Variants in PDE2A observed in about 807,000 individuals in gnomAD.
PDE2A encodes phosphodiesterase 2A, also known as cGMP-dependent 3',5'-cyclic phosphodiesterase.
In PDE2A, 53 loss-of-function variants were observed where a neutral mutation model predicts 133.6. The observed-to-expected ratio is 0.40, with a 90% CI of 0.32 to 0.50. The LOEUF is 0.50. Ranked by LOEUF, PDE2A falls within the 20% of genes least tolerant of loss-of-function variation. The pLI is 0.73. For missense variants in PDE2A, 796 were observed against 1,232.4 expected (o/e 0.65, Z 5.30); for synonymous variants, 491 against 490.2 (o/e 1.00, Z -0.02).
chr11:72,665,189 C>T (rs1340260443), intron 1 of PDE2A, among the ~76,000 whole-genome samples: 1 of 152,094 alleles, frequency 6.6e-6, no homozygotes, highest in Non-Finnish European at 1.5e-5. Context: ...TTTTCTACCC[C>T]AATTCCTGCC....
At chr11:72,581,095 C>A in intron 23 of PDE2A, 122 bp from the exon 24 acceptor site, 1 of 775,864 alleles carries the variant, frequency 1.3e-6, no homozygotes, top group African/African-American at 1.7e-5. Flanking sequence ...GTTGGAACAC[C>A]TGGGTTCCCT....
In PDE2A at chr11:72,579,018, G is replaced by C; in HGVS notation, c.2357-9C>G. 2.5e-6 allele frequency: 4 copies of C among 1,584,252 alleles called. No individual in the cohort carries two copies. Among genetic ancestry groups the C allele is most frequent in the African/African-American group, 1.3e-5 (1 of 74,470 alleles). Reference sequence around the variant, plus strand: ...GTTTCGGTCGTAGCCCACTGTTGAGGGGAGGATGGGGTCAAGGAGCGGGGC... The same window carrying C: ...GTTTCGGTCGTAGCCCACTGTTGAGCGGAGGATGGGGTCAAGGAGCGGGGC... On this transcript the variant is annotated splice_polypyrimidine_tract_variant and intron_variant, in intron 27 of 30. Transcript: ENST00000334456.
At position 72,580,642 on chromosome 11, in the gene PDE2A, A is replaced by G; in HGVS notation, c.2134-18T>C. The G allele has an allele frequency of 6.4e-7, 1 of 1,556,972 alleles. No homozygotes were observed. The highest frequency in any genetic ancestry group is 1.2e-5 in the South Asian group (1 of 84,660). On this transcript the variant is annotated intron_variant, in intron 24 of 30. Coordinates refer to ENST00000334456, the MANE Select transcript of PDE2A (RefSeq NM_002599.5). ...ACAGATTTCTGGAAAAGCCCAGGAA[A>G]ACTGTGGTCACTCCTCACATCCGGA... is the stretch of plus-strand genomic sequence containing the variant.
chr11:72,624,784 C>T (rs989399755), intron 2 of PDE2A, among the ~76,000 whole-genome samples: 1 of 152,238 alleles, frequency 6.6e-6, no homozygotes, highest in African/African-American at 2.4e-5. Flanking sequence ...CCACTGTACA[C>T]ATCTGCTATC....
At chr11:72,639,051 G>A (rs1410900266) in intron 2 of PDE2A, among the ~76,000 whole-genome samples, 1 of 152,190 alleles carries the variant, frequency 6.6e-6, no homozygotes, top group African/African-American at 2.4e-5. Flanking sequence ...TTCCCTGACT[G>A]ACTCAGACTT....
At chr11:72,599,163 C>T (rs1315743052) in intron 4 of PDE2A, 1 of 304,454 alleles carries the variant, frequency 3.3e-6, no homozygotes, top group Non-Finnish European at 4.8e-6. Context: ...CTGCCGACTC[C>T]CAACTATTTC....
rs368760229 is a variant in PDE2A, at chr11:72,605,238, G to A, written c.235-12C>T. ...GTGTAGACAGTTTCCTAGGACAGAA[G>A]GCACTTATGAGACCCTGTGGAGAGG... is the stretch of plus-strand genomic sequence containing the variant. On this transcript the variant is annotated splice_polypyrimidine_tract_variant and intron_variant, in intron 3 of 30. Coordinates refer to ENST00000334456, the MANE Select transcript of PDE2A (RefSeq NM_002599.5). The A allele has an allele frequency of 5.0e-4, 786 of 1,583,906 alleles. No homozygotes were observed. Among genetic ancestry groups the A allele is most frequent in the Non-Finnish European group, 6.5e-4 (752 of 1,158,776 alleles).
At chr11:72,653,713 G>A (rs1222320653) in intron 1 of PDE2A, among the ~76,000 whole-genome samples, 1 of 152,228 alleles carries the variant, frequency 6.6e-6, no homozygotes, top group Non-Finnish European at 1.5e-5. Flanking sequence ...GGCCACCAGA[G>A]TCCTGAGCTG....
At chr11:72,618,787 C>A (rs994036643) in intron 2 of PDE2A, among the ~76,000 whole-genome samples, 8 of 151,594 alleles carry the variant, frequency 5.3e-5, no homozygotes, top group South Asian at 4.2e-4. Context: ...GGCCATGGGC[C>A]TTGGTCACTC....
chr11:72,612,494 T>C (rs955113820), intron 2 of PDE2A, among the ~76,000 whole-genome samples: 5 of 152,228 alleles, frequency 3.3e-5, no homozygotes, highest in Admixed American at 1.3e-4. Flanking sequence ...CCAGACTGAC[T>C]ACAGAAGTTC....
chr11:72,614,896 C>T (rs543241153), intron 2 of PDE2A, among the ~76,000 whole-genome samples: 2 of 152,136 alleles, frequency 1.3e-5, no homozygotes, highest in South Asian at 2.1e-4. Flanking sequence ...GCAGTATGGA[C>T]GGGGCCACTC....
chr11:72,625,278 G>A (rs555481403), intron 2 of PDE2A, among the ~76,000 whole-genome samples: 1 of 152,324 alleles, frequency 6.6e-6, no homozygotes, highest in Non-Finnish European at 1.5e-5. Context: ...ACTGGTGCTG[G>A]CTCTACTGGG....
In PDE2A at chr11:72,589,179, G is replaced by T. The variant is rs1325346847; in HGVS notation, c.935C>A (p.Thr312Asn). ...GTCAGCCAGGCCATGACTTACGGAG[G>T]TGAGGTCCTTCAGCTGGATGGACTT... ...DKKSIQLKDL[T>N]SEDVQQLQSM... The change falls in exon 12 of 31, where the codon ACC (threonine) becomes AAC (asparagine). Residue 312 changes from threonine to asparagine, a missense_variant. Coordinates refer to ENST00000334456, the MANE Select transcript of PDE2A (RefSeq NM_002599.5). The T allele has an allele frequency of 6.2e-7, 1 of 1,613,046 alleles. No individual in the cohort carries two copies.
At chr11:72,659,909 C>G (rs1203847367) in intron 1 of PDE2A, among the ~76,000 whole-genome samples, 1 of 152,180 alleles carries the variant, frequency 6.6e-6, no homozygotes, top group South Asian at 2.1e-4. Flanking sequence ...CCTAAGCATC[C>G]CTTCCCCTGC....
intron 1 of PDE2A, among the ~76,000 whole-genome samples, chr11:72,666,647 A>G (rs1855241006): frequency 6.6e-6 from 1 of 152,134 alleles, no homozygotes; most frequent in Non-Finnish European, 1.5e-5. Flanking sequence ...TCACACACAC[A>G]TATCCCCTCA....
chr11:72,640,922 A>G (rs1373015985), intron 2 of PDE2A, among the ~76,000 whole-genome samples: 3 of 152,156 alleles, frequency 2.0e-5, no homozygotes, highest in South Asian at 2.1e-4. Context: ...AATGCCATAG[A>G]CCCATAATTC....
At chr11:72,665,589 C>G (rs1855211645) in intron 1 of PDE2A, among the ~76,000 whole-genome samples, 2 of 152,310 alleles carry the variant, frequency 1.3e-5, no homozygotes, top group South Asian at 4.1e-4. Flanking sequence ...ACGTTCTTCT[C>G]TGGCCCCCCA....
chr11:72,594,616 T>G (rs1348160956), intron 6 of PDE2A, among the ~76,000 whole-genome samples: 1 of 152,150 alleles, frequency 6.6e-6, no homozygotes, highest in Non-Finnish European at 1.5e-5. Flanking sequence ...AGAGCCCAGC[T>G]GGCTAGCATC....
rs573245436 is a variant in PDE2A, at chr11:72,598,131, C to T, written c.324-512G>A. The stretch of plus-strand genomic sequence containing the variant: ...TGTCCCGTGCACAGCCCAAGCAACT[C>T]ACATAGATGAACTCAGAATTCCCAG... On this transcript the variant is annotated intron_variant, in intron 4 of 30. Transcript: ENST00000334456. 3.9e-5 allele frequency among the ~76,000 whole-genome samples: 6 copies of T among 152,306 alleles called. No individual in the cohort carries two copies. In the South Asian group the frequency reaches 1.2e-3, roughly 32 times the overall value.
Sources: allele counts gnomAD v4.1 joint callset (sites outside exome capture counted in the v4.1 genomes callset), GRCh38; gene constraint gnomAD v4.1.1; transcripts MANE v1.5; gene names NCBI Gene and HGNC (gene_info 2026-07-23, HGNC 2026-07-21).